The following ORC4 variants were observed in gnomAD, a reference collection of about 807,000 sequenced individuals.
The protein encoded by ORC4 is origin recognition complex, subunit 4 homolog.
Under a neutral mutation model 63.9 loss-of-function variants are expected in ORC4, and 55 were observed. That is an observed-to-expected ratio of 0.86 (90% confidence interval 0.69 to 1.08). The LOEUF is 1.08. Among genes scored for constraint, ORC4 ranks in the 50% least tolerant of loss-of-function variants. The probability of loss-of-function intolerance (pLI) is 0.00; values close to 1 mark genes in which losing one functional copy is unlikely to be tolerated. For synonymous variants in ORC4, 150 were observed against 168.5 expected (o/e 0.89, Z 0.85); for missense variants, 511 against 504.4 (o/e 1.01, Z -0.13).
chr2:147,945,935 G>C (rs1331246784), intron 9 of ORC4, among the ~76,000 whole-genome samples: 1 of 152,076 alleles, frequency 6.6e-6, no homozygotes, highest in Non-Finnish European at 1.5e-5. Flanking sequence ...AGATGATCAG[G>C]ATAGGGGAAG....
chr2:147,948,445 T>C (rs1448931093), intron 8 of ORC4, among the ~76,000 whole-genome samples: 1 of 152,090 alleles, frequency 6.6e-6, no homozygotes, highest in East Asian at 1.9e-4. Context: ...ACCATGTTAC[T>C]CTCAGCTAAT....
chr2:147,979,224 C>T (rs1480837288), intron 1 of ORC4, among the ~76,000 whole-genome samples: 1 of 151,984 alleles, frequency 6.6e-6, no homozygotes, highest in Admixed American at 6.6e-5. Context: ...TAAGACTCTA[C>T]CAAAAAACTG....
intron 1 of ORC4, among the ~76,000 whole-genome samples, chr2:148,000,078 A>T (rs1313464705): frequency 6.6e-6 from 1 of 151,716 alleles, no homozygotes; most frequent in East Asian, 1.9e-4. Context: ...AAACATAAAA[A>T]ATGACAGAAA....
At chr2:147,963,586 G>T (rs534632342) in intron 4 of ORC4, among the ~76,000 whole-genome samples, 11 of 152,150 alleles carry the variant, frequency 7.2e-5, no homozygotes, top group African/African-American at 2.6e-4. Flanking sequence ...GGCATCTCCT[G>T]GGCCTGAGAA....
intron 1 of ORC4, among the ~76,000 whole-genome samples, chr2:148,003,454 C>A (rs979207417): frequency 6.6e-6 from 1 of 152,116 alleles, no homozygotes; most frequent in Non-Finnish European, 1.5e-5. Context: ...AAGGCTGGTT[C>A]AACATATGCA....
At chr2:148,014,728 T>C (rs1693162824) in intron 1 of ORC4, among the ~76,000 whole-genome samples, 1 of 152,104 alleles carries the variant, frequency 6.6e-6, no homozygotes, top group South Asian at 2.1e-4. Flanking sequence ...GCCATGACAG[T>C]ATAACAATAT....
intron 7 of ORC4, among the ~76,000 whole-genome samples, chr2:147,953,770 T>C (rs940716198): frequency 1.3e-5 from 2 of 152,194 alleles, no homozygotes; most frequent in African/African-American, 2.4e-5. Context: ...CCTTTTACCT[T>C]AGGCTTAACG....
At chr2:147,980,144 C>G (rs1444496503) in intron 1 of ORC4, among the ~76,000 whole-genome samples, 1 of 152,026 alleles carries the variant, frequency 6.6e-6, no homozygotes, top group Non-Finnish European at 1.5e-5. Context: ...CTTACATCTG[C>G]TAACAGGTTA....
intron 1 of ORC4, among the ~76,000 whole-genome samples, chr2:147,990,422 T>G (rs1396396274): frequency 6.6e-6 from 1 of 152,204 alleles, no homozygotes; most frequent in Non-Finnish European, 1.5e-5. Context: ...TGTACAGAGG[T>G]AAAGATTAAA....
intron 1 of ORC4, among the ~76,000 whole-genome samples, chr2:147,989,706 C>CA (rs1292964940): frequency 6.7e-6 from 1 of 149,554 alleles, no homozygotes; most frequent in Non-Finnish European, 1.5e-5. Flanking sequence ...AGACTCATCT[C>CA]AAAAACAACA....
At chr2:147,957,985 G>A (rs1280957944) in intron 6 of ORC4, among the ~76,000 whole-genome samples, 1 of 152,052 alleles carries the variant, frequency 6.6e-6, no homozygotes, top group Non-Finnish European at 1.5e-5. Flanking sequence ...TTAAAAATGT[G>A]TTAATCTATC....
At chr2:147,999,266 A>T (rs1692159530) in intron 1 of ORC4, among the ~76,000 whole-genome samples, 1 of 152,164 alleles carries the variant, frequency 6.6e-6, no homozygotes, top group Non-Finnish European at 1.5e-5. Flanking sequence ...TACCCTGAGG[A>T]CACAAGACAC....
intron 8 of ORC4, among the ~76,000 whole-genome samples, chr2:147,951,164 G>A (rs573471332): frequency 6.6e-6 from 1 of 152,120 alleles, no homozygotes; most frequent in Admixed American, 6.5e-5. Context: ...GTTGAAATAT[G>A]AATTAGAAAA....
intron 2 of ORC4, among the ~76,000 whole-genome samples, chr2:147,974,231 C>A (rs1310988589): frequency 1.3e-5 from 2 of 152,054 alleles, no homozygotes; most frequent in Non-Finnish European, 2.9e-5. Context: ...GACATTGGCT[C>A]CAGAAGAGTC....
chr2:148,002,915 A>T (rs1692403987), intron 1 of ORC4, among the ~76,000 whole-genome samples: 1 of 152,192 alleles, frequency 6.6e-6, no homozygotes, highest in Non-Finnish European at 1.5e-5. Context: ...ACAATAAAAA[A>T]TGATAAAGGG....
chr2:147,940,772 A>G (rs1193484784), intron 10 of ORC4, among the ~76,000 whole-genome samples: 2 of 152,160 alleles, frequency 1.3e-5, no homozygotes, highest in East Asian at 3.8e-4. Flanking sequence ...AAAACCAAAC[A>G]TCGTATGTTC....
intron 1 of ORC4, among the ~76,000 whole-genome samples, chr2:148,001,503 C>T (rs1692306427): frequency 6.6e-6 from 1 of 152,076 alleles, no homozygotes; most frequent in South Asian, 2.1e-4. Flanking sequence ...CATATCCAGC[C>T]AAACTAAGCT....
chr2:147,954,307 G>C (rs1221182743), intron 7 of ORC4, among the ~76,000 whole-genome samples: 1 of 152,138 alleles, frequency 6.6e-6, no homozygotes, highest in African/African-American at 2.4e-5. Flanking sequence ...TAATGACAGA[G>C]ATACGTTCTG....
chr2:148,009,516 A>C (rs1177753721), intron 1 of ORC4, among the ~76,000 whole-genome samples: 1 of 152,180 alleles, frequency 6.6e-6, no homozygotes, highest in Non-Finnish European at 1.5e-5. Context: ...GTTTTAATTC[A>C]GCAAGAGGAC....
Sources: allele counts gnomAD v4.1 joint callset (sites outside exome capture counted in the v4.1 genomes callset), GRCh38; gene constraint gnomAD v4.1.1; transcripts MANE v1.5; gene names NCBI Gene and HGNC (gene_info 2026-07-23, HGNC 2026-07-21).